The following UTRN variants were observed in gnomAD, a reference collection of about 807,000 sequenced individuals.
UTRN encodes dystrophin-related protein 1.
UTRN carries 283 observed loss-of-function variants against 463.9 expected under a neutral mutation model. That is an observed-to-expected ratio of 0.61 (90% CI 0.55 to 0.67). The LOEUF is 0.67. Ranked by LOEUF, UTRN falls within the 30% of genes least tolerant of loss-of-function variation. The pLI is 0.00. For synonymous variants in UTRN, 1,442 were observed against 1,431.5 expected (o/e 1.01, Z -0.17); for missense variants, 3,922 against 4,084.3 (o/e 0.96, Z 1.08).
intron 53 of UTRN, among the ~76,000 whole-genome samples, chr6:144,712,371 A>G (rs545765165): frequency 2.6e-5 from 4 of 152,334 alleles, no homozygotes; most frequent in African/African-American, 7.2e-5. Flanking sequence ...GTCCATGTTT[A>G]GAGGGAGAGG....
At chr6:144,465,665 G>T (rs1319024407) in intron 23 of UTRN, among the ~76,000 whole-genome samples, 1 of 151,920 alleles carries the variant, frequency 6.6e-6, no homozygotes, top group Non-Finnish European at 1.5e-5. Context: ...GGAATTGCTG[G>T]TTACTTAACT....
intron 10 of UTRN, 69 bp downstream of exon 10, chr6:144,436,207 T>C: frequency 6.9e-7 from 1 of 1,446,956 alleles, no homozygotes; most frequent in Non-Finnish European, 9.4e-7. Context: ...GGGACTCTAC[T>C]CTCCTATTTG....
At chr6:144,438,501 A>G (rs1311190494) in intron 11 of UTRN, among the ~76,000 whole-genome samples, 1 of 152,244 alleles carries the variant, frequency 6.6e-6, no homozygotes, top group African/African-American at 2.4e-5. Context: ...TGATTGAAGA[A>G]ACAATGATTC....
intron 66 of UTRN, among the ~76,000 whole-genome samples, chr6:144,821,665 A>G (rs986873512): frequency 2.0e-5 from 3 of 152,092 alleles, no homozygotes; most frequent in Non-Finnish European, 4.4e-5. Context: ...AGCAAAGGGA[A>G]TAAGAATTTA....
At chr6:144,622,184 GTTT>G (rs1199579909) in intron 51 of UTRN, among the ~76,000 whole-genome samples, 2,451 of 88,036 alleles carry the variant, frequency 0.028, 31 homozygotes, top group African/African-American at 0.097. Context: ...TTTTTTTGTT[GTTT>G]TTTTTTTTTT....
At chr6:144,730,112 TAAGTG>T (rs1788357478) in intron 53 of UTRN, among the ~76,000 whole-genome samples, 1 of 152,278 alleles carries the variant, frequency 6.6e-6, no homozygotes, top group Non-Finnish European at 1.5e-5. Flanking sequence ...CAATTTCCCT[TAAGTG>T]AATATTTTAA....
chr6:144,778,635 T>TA (rs957152516), intron 60 of UTRN, among the ~76,000 whole-genome samples: 2 of 149,852 alleles, frequency 1.3e-5, no homozygotes, highest in East Asian at 3.9e-4. Flanking sequence ...AATAATAAAA[T>TA]AAAAAAATAA....
chr6:144,798,063 C>T, intron 64 of UTRN, 73 bp downstream of exon 64: 1 of 1,576,164 alleles, frequency 6.3e-7, no homozygotes, highest in Non-Finnish European at 8.6e-7. Context: ...GTCCATCCTC[C>T]ATTCCCATTC....
At chr6:144,372,464 A>G (rs1780079014) in intron 2 of UTRN, among the ~76,000 whole-genome samples, 1 of 152,212 alleles carries the variant, frequency 6.6e-6, no homozygotes, top group Non-Finnish European at 1.5e-5. Context: ...AAGGTCTAGT[A>G]TCCGCAATAG....
Position 144,522,122 on chromosome 6 carries a change from T to C in UTRN, c.5684T>C (p.Leu1895Pro). The C allele has an allele frequency of 6.3e-7, 1 of 1,583,696 alleles. No individual in the cohort carries two copies. The highest frequency in any genetic ancestry group is 8.6e-7 in the Non-Finnish European group (1 of 1,166,728). The change falls in exon 40 of 75, where the codon CTC (leucine) becomes CCC (proline). Residue 1895 changes from leucine (L) to proline (P), a missense_variant. Leu to Pro is a moderately conservative substitution (Grantham distance 98). Around this residue, in one of 3 missense-constraint regions of UTRN, gnomAD observed 2,349 missense variants for 2,303.8 expected, o/e 1.02. Coordinates refer to ENST00000367545, the MANE Select transcript of UTRN (RefSeq NM_007124.3). ...GAATTATCGCTTAATGTTCCAGAGC[T>C]CAACACTGCTATTTACGAAGACTTC... is the stretch of plus-strand genomic sequence containing the variant. ...DVELSLNVPELNTAIYEDFSF... is the reference protein window; with the variant it reads ...DVELSLNVPEPNTAIYEDFSF...
chr6:144,507,638 T>C (rs1478399825), intron 34 of UTRN, among the ~76,000 whole-genome samples: 1 of 152,094 alleles, frequency 6.6e-6, no homozygotes, highest in Admixed American at 6.5e-5. Context: ...CTCTGGAAGC[T>C]TCGTTTCAGA....
At chr6:144,464,631 A>C (rs183368712) in intron 23 of UTRN, among the ~76,000 whole-genome samples, 3 of 151,942 alleles carry the variant, frequency 2.0e-5, no homozygotes, top group African/African-American at 7.2e-5. Flanking sequence ...CTCCTGATTA[A>C]CTGGGACTAC....
chr6:144,486,657 G>A (rs148167636), intron 28 of UTRN, among the ~76,000 whole-genome samples: 297 of 152,316 alleles, frequency 1.9e-3, no homozygotes, highest in Middle Eastern at 0.017. Context: ...GAGTAGCTGG[G>A]ATCACAGGCG....
At chr6:144,539,511 T>C (rs1020544671) in intron 45 of UTRN, 68 bp downstream of exon 45, 1 of 1,465,170 alleles carries the variant, frequency 6.8e-7, no homozygotes, top group South Asian at 1.5e-5. Context: ...TGTGGGATCA[T>C]GTAACTGCTT....
chr6:144,412,775 A>T (rs1343421176), intron 3 of UTRN, among the ~76,000 whole-genome samples: 2 of 150,230 alleles, frequency 1.3e-5, no homozygotes, highest in Non-Finnish European at 2.9e-5. Flanking sequence ...ACACACACAC[A>T]CACACACACA....
chr6:144,522,764 T>C (rs1796217381), intron 40 of UTRN, among the ~76,000 whole-genome samples: 1 of 152,184 alleles, frequency 6.6e-6, no homozygotes, highest in South Asian at 2.1e-4. Flanking sequence ...GCCTTTCATG[T>C]GTTCTGTACA....
intron 12 of UTRN, among the ~76,000 whole-genome samples, chr6:144,440,002 C>A (rs1786989179): frequency 6.6e-6 from 1 of 152,098 alleles, no homozygotes. Flanking sequence ...TTTATTTAAG[C>A]TCTGGACTTT....
chr6:144,411,435 C>T (rs1487281664), intron 3 of UTRN, among the ~76,000 whole-genome samples: 3 of 152,122 alleles, frequency 2.0e-5, no homozygotes. Context: ...CTTATTCAGC[C>T]TCCAGCCCTC....
At chr6:144,427,738 T>G (rs550090867) in intron 7 of UTRN, among the ~76,000 whole-genome samples, 1 of 152,334 alleles carries the variant, frequency 6.6e-6, no homozygotes, top group Non-Finnish European at 1.5e-5. Context: ...ACTGTAGAAT[T>G]TTAGCCAATA....
Sources: allele counts gnomAD v4.1 joint callset (sites outside exome capture counted in the v4.1 genomes callset), GRCh38; gene constraint gnomAD v4.1.1; regional missense constraint gnomAD v4.1.1; transcripts MANE v1.5; gene names NCBI Gene and HGNC (gene_info 2026-07-23, HGNC 2026-07-21).